CXCL3: variants seen among roughly 807,000 people sequenced by gnomAD.
CXCL3 encodes C-X-C motif chemokine 3.
In CXCL3, 10 loss-of-function variants were observed where a neutral mutation model predicts 11.5. That is an observed-to-expected ratio of 0.87 (90% confidence interval 0.54 to 1.48). The LOEUF is 1.48. Ranked by LOEUF, CXCL3 falls within the 40% of genes most tolerant of loss-of-function variation. The probability of loss-of-function intolerance (pLI) is 0.00; values close to 1 mark genes in which losing one functional copy is unlikely to be tolerated. For synonymous variants in CXCL3, 61 were observed against 60.9 expected, an observed-to-expected ratio of 1.00 and a Z score of -0.01; for missense variants, 149 against 139.1, an observed-to-expected ratio of 1.07 and a Z score of -0.36.
chr4:74,037,165 C>A lies in CXCL3; in HGVS notation c.*97G>T. ...GTCCTTTCCAGCTGTCCCTAGAAAG[C>A]TGCTGTTCTCTTTTTCATTTTCAGC... On this transcript the variant is annotated 3_prime_UTR_variant, in exon 4 of 4. Transcript: ENST00000296026. 7.2e-7 allele frequency: 1 copy of A among 1,384,776 alleles called. No homozygotes were observed. The highest frequency in any genetic ancestry group is 1.0e-6 in the Non-Finnish European group (1 of 980,616). 85.8% of individuals were successfully genotyped at this position (1,384,776 alleles called of 1,614,324 possible).
At position 74,038,307 on chromosome 4, in the gene CXCL3, G is replaced by T; in HGVS notation, c.207C>A (p.Cys69Ter). ...GGACTTACATGACTTCGGTTTGGGC[G>T]CAGTGGGGTCCGGGGGACCTTACAT... The part of the protein sequence containing the change: ...SVNVRSPGPH[C>*]AQTEVIATLK... Residue 69 changes from cysteine to a stop codon, truncating the protein, a stop_gained, in exon 2 of 4, where the codon TGC (cysteine) becomes TGA (stop). Coordinates refer to ENST00000296026, the MANE Select transcript of CXCL3 (RefSeq NM_002090.3). LOFTEE classifies it high-confidence loss of function. 3 of 1,614,064 alleles carry T rather than the reference G, an allele frequency of 1.9e-6. No individual in the cohort carries two copies. Among genetic ancestry groups the T allele is most frequent in the Non-Finnish European group, 2.5e-6 (3 of 1,179,978 alleles).
At chr4:74,037,438 C>A in intron 3 of CXCL3, 161 bp from the exon 4 acceptor site, 5 of 505,068 alleles carry the variant, frequency 9.9e-6, no homozygotes, top group South Asian at 2.8e-5. Flanking sequence ...AAAACTTGCA[C>A]TCCTGAATGC....
At chr4:74,037,633 A>G (rs759918767) in intron 3 of CXCL3, 9 of 318,640 alleles carry the variant, frequency 2.8e-5, no homozygotes, top group Non-Finnish European at 4.1e-5. Flanking sequence ...CTAAAGCTCA[A>G]AGAGATTAAA....
At position 74,037,158 on chromosome 4, in the gene CXCL3, T is replaced by G; in HGVS notation, c.*104A>C. Reference sequence around the variant, plus strand: ...ACATTAAGTCCTTTCCAGCTGTCCCTAGAAAGCTGCTGTTCTCTTTTTCAT... The same window carrying G: ...ACATTAAGTCCTTTCCAGCTGTCCCGAGAAAGCTGCTGTTCTCTTTTTCAT... On this transcript the variant is annotated 3_prime_UTR_variant, in exon 4 of 4. Transcript: ENST00000296026. The G allele has an allele frequency of 7.7e-7, 1 of 1,301,572 alleles. No homozygotes were observed. Among genetic ancestry groups the G allele is most frequent in the Non-Finnish European group, 1.1e-6 (1 of 908,186 alleles). The allele number at this position is 1,301,572 out of a possible 1,614,324, so 80.6% of individuals were successfully genotyped here. A position where few individuals can be genotyped will look rare whatever the true frequency, so the allele number is the denominator to read the frequency against.
rs375730798 is a variant in CXCL3, at chr4:74,038,092, C to T, written c.308+1G>A. Reference sequence around the variant, plus strand: ...CTGTGTATATGGAAATTACAACTCACTTGTTCAGTATCTTTTCGATGATTT... The same window carrying T: ...CTGTGTATATGGAAATTACAACTCATTTGTTCAGTATCTTTTCGATGATTT... On this transcript the variant is annotated splice_donor_variant, in intron 3 of 3. Transcript: ENST00000296026. LOFTEE classifies it high-confidence loss of function. 14 of 1,613,930 alleles carry T rather than the reference C, an allele frequency of 8.7e-6. No individual in the cohort carries two copies. In the East Asian group the frequency reaches 8.9e-5, roughly 10 times the overall value.
In CXCL3 at chr4:74,038,074, T is replaced by C. The variant is rs1214435285; in HGVS notation, c.308+19A>G. 9 of 1,613,242 alleles carry C rather than the reference T, an allele frequency of 5.6e-6. No individual in the cohort carries two copies. The highest frequency in any genetic ancestry group is 1.7e-5 in the Admixed American group (1 of 59,980). On this transcript the variant is annotated intron_variant, in intron 3 of 3. Coordinates refer to ENST00000296026, the MANE Select transcript of CXCL3 (RefSeq NM_002090.3). ...ACCAACGGCTCCAGTCGCCTGTGTA[T>C]ATGGAAATTACAACTCACTTGTTCA... is the stretch of plus-strand genomic sequence containing the variant.
chr4:74,038,076 T>G lies in CXCL3; in HGVS notation c.308+17A>C. ...CAACGGCTCCAGTCGCCTGTGTATA[T>G]GGAAATTACAACTCACTTGTTCAGT... On this transcript the variant is annotated intron_variant, in intron 3 of 3. Coordinates refer to ENST00000296026, the MANE Select transcript of CXCL3 (RefSeq NM_002090.3). 6.2e-7 allele frequency: 1 copy of G among 1,613,594 alleles called. No homozygotes were observed. The highest frequency in any genetic ancestry group is 8.5e-7 in the Non-Finnish European group (1 of 1,179,542).
chr4:74,038,480 C>G (rs202236627), intron 1 of CXCL3, 32 bp downstream of exon 1: 7 of 1,572,424 alleles, frequency 4.5e-6, no homozygotes, highest in Non-Finnish European at 6.0e-6. Context: ...CAGCCGCGTC[C>G]GGCCCGGGGA....
intron 3 of CXCL3, 86 bp from the exon 4 acceptor site, chr4:74,037,363 T>C (rs895257302): frequency 2.0e-6 from 3 of 1,511,360 alleles, no homozygotes; most frequent in Non-Finnish European, 9.2e-7. Flanking sequence ...GATGTCCCCA[T>C]GCAGACTCTC....
Position 74,037,077 on chromosome 4 carries a change from A to G in CXCL3, c.*185T>C. The G allele has an allele frequency of 1.7e-6, 1 of 581,072 alleles. No homozygotes were observed. Among genetic ancestry groups the G allele is most frequent in the Non-Finnish European group, 3.0e-6 (1 of 332,530 alleles). 36.0% of individuals were successfully genotyped at this position (581,072 alleles called of 1,614,324 possible). Reference sequence around the variant, plus strand: ...AACAGCATGTAAAATATTAAAATACAAGCTTTCAAAAATAAATACATAAAT... The same window carrying G: ...AACAGCATGTAAAATATTAAAATACGAGCTTTCAAAAATAAATACATAAAT... On this transcript the variant is annotated 3_prime_UTR_variant, in exon 4 of 4. Transcript: ENST00000296026.
In CXCL3 at chr4:74,036,821, T is replaced by G. The variant is rs200320368; in HGVS notation, c.*441A>C. On this transcript the variant is annotated 3_prime_UTR_variant, in exon 4 of 4. Transcript: ENST00000296026. ...TGACATTCTTTTTTTAAAAAAAAAG[T>G]ATAAAAAATAGATGTGTACATACAT... 121 of 153,034 alleles carry G rather than the reference T, an allele frequency of 7.9e-4. 1 individual carries two copies. The highest frequency in any genetic ancestry group is 1.5e-3 in the Non-Finnish European group (104 of 68,712). The allele number at this position is 153,034 out of a possible 1,614,324, so 9.5% of individuals were successfully genotyped here. A position where few individuals can be genotyped will look rare whatever the true frequency, so the allele number is the denominator to read the frequency against.
rs372884271 is a variant in CXCL3, at chr4:74,038,341, T to C, written c.173A>G (p.Gln58Arg). 1.9e-6 allele frequency: 3 copies of C among 1,614,006 alleles called. No individual in the cohort carries two copies. Among genetic ancestry groups the C allele is most frequent in the African/African-American group, 2.7e-5 (2 of 74,918 alleles). ...TCCGGGGGACCTTACATTCACACTT[T>C]GGATGTTCTTGAGGTGAATTCCCTG... ...TLQGIHLKNI[Q>R]SVNVRSPGPH... The change falls in exon 2 of 4, where the codon CAA (glutamine) becomes CGA (arginine). Residue 58 changes from glutamine to arginine, a missense_variant. Physicochemically the swap from Gln to Arg is conservative, Grantham distance 43. Coordinates refer to ENST00000296026, the MANE Select transcript of CXCL3 (RefSeq NM_002090.3).
In CXCL3 at chr4:74,038,625, C is replaced by A. The variant is rs568243232; in HGVS notation, c.-14G>T. 4.1e-5 allele frequency: 59 copies of A among 1,434,478 alleles called. No individual in the cohort carries two copies. The Middle Eastern group carries it at 6.6e-4, about 16-fold the overall frequency. The allele number at this position is 1,434,478 out of a possible 1,614,324, so 88.9% of individuals were successfully genotyped here. The stretch of plus-strand genomic sequence containing the variant: ...GGCGTGGGCCATGGGGCTCAGCAGA[C>A]GCGTCGGGAAGCTGTGCGAGAAGCG... On this transcript the variant is annotated 5_prime_UTR_variant, in exon 1 of 4. Transcript: ENST00000296026.
chr4:74,037,209 C>T lies in CXCL3; in HGVS notation c.*53G>A. On this transcript the variant is annotated 3_prime_UTR_variant, in exon 4 of 4. Transcript: ENST00000296026. ...TTTCAGCTCTGGTAAGGGCAGGGAC[C>T]ACCCTGCAGGAAGTGTCAATGATAC... 1 of 1,604,790 alleles carries T rather than the reference C, an allele frequency of 6.2e-7. No individual in the cohort carries two copies. Among genetic ancestry groups the T allele is most frequent in the Non-Finnish European group, 8.5e-7 (1 of 1,171,674 alleles).
At position 74,038,327 on chromosome 4, in the gene CXCL3, T is replaced by C; in HGVS notation, c.187A>G (p.Arg63Gly). The change falls in exon 2 of 4, where the codon AGG (arginine) becomes GGG (glycine). Residue 63 changes from arginine (R) to glycine (G), a missense_variant. Transcript: ENST00000296026. The part of the protein sequence containing the change: ...HLKNIQSVNV[R>G]SPGPHCAQTE... ...TGGGCGCAGTGGGGTCCGGGGGACCTTACATTCACACTTTGGATGTTCTTG... is the reference window on the plus strand; with the variant it reads ...TGGGCGCAGTGGGGTCCGGGGGACCCTACATTCACACTTTGGATGTTCTTG... 1 of 1,614,140 alleles carries C rather than the reference T, an allele frequency of 6.2e-7. No individual in the cohort carries two copies. Among genetic ancestry groups the C allele is most frequent in the Non-Finnish European group, 8.5e-7 (1 of 1,179,996 alleles).
intron 3 of CXCL3, chr4:74,037,858 A>G (rs1720030065): frequency 2.0e-6 from 1 of 504,138 alleles, no homozygotes; most frequent in Non-Finnish European, 3.5e-6. Flanking sequence ...AGAAACCCAC[A>G]TTTACCCTCC....
chr4:74,038,213 G>C (rs1285541955), intron 2 of CXCL3, 37 bp from the exon 3 acceptor site: 7 of 1,613,938 alleles, frequency 4.3e-6, no homozygotes, highest in South Asian at 3.3e-5. Flanking sequence ...ACAGGAGGTC[G>C]GGCTGGGGAC....
intron 3 of CXCL3, 154 bp from the exon 4 acceptor site, chr4:74,037,431 A>T: frequency 1.8e-6 from 1 of 556,674 alleles, no homozygotes; most frequent in Non-Finnish European, 3.0e-6. Flanking sequence ...ATAGCAGAAA[A>T]CTTGCACTCC....
intron 3 of CXCL3, 25 bp downstream of exon 3, chr4:74,038,068 T>G: frequency 6.2e-7 from 1 of 1,612,258 alleles, no homozygotes; most frequent in Middle Eastern, 1.7e-4. Context: ...TCCAGTCGCC[T>G]GTGTATATGG....
Sources: gnomAD v4.1 joint callset for allele counts on GRCh38, gnomAD v4.1.1 for gene constraint, MANE v1.5 for transcripts, NCBI Gene and HGNC (gene_info 2026-07-23, HGNC 2026-07-21) for gene names.